Variants in TMEM132B observed in about 807,000 individuals in gnomAD.
TMEM132B encodes transmembrane protein 132B.
Under a neutral mutation model 90.8 loss-of-function variants are expected in TMEM132B, and 18 were observed. The observed-to-expected ratio is 0.20, with a 90% CI of 0.14 to 0.29. The LOEUF is 0.29. Ranked by LOEUF, TMEM132B falls within the 10% of genes least tolerant of loss-of-function variation. The pLI is 1.00. For synonymous variants in TMEM132B, 504 were observed against 523.3 expected, an observed-to-expected ratio of 0.96 and a Z score of 0.50; for missense variants, 1,096 against 1,326.8, an observed-to-expected ratio of 0.83 and a Z score of 2.70.
intron 1 of TMEM132B, among the ~76,000 whole-genome samples, chr12:125,318,771 G>A (rs1018424154): frequency 2.0e-5 from 3 of 152,120 alleles, no homozygotes; most frequent in Non-Finnish European, 4.4e-5. Flanking sequence ...CCATTGATGG[G>A]CATTTGGGTT....
intron 1 of TMEM132B, among the ~76,000 whole-genome samples, chr12:125,230,317 C>T (rs114793157): frequency 5.3e-5 from 8 of 152,064 alleles, no homozygotes; most frequent in African/African-American, 1.9e-4. Context: ...TTGGCTTCTC[C>T]TCTGTGTGAA....
chr12:125,638,945 C>T (rs566498207), intron 5 of TMEM132B, among the ~76,000 whole-genome samples: 198 of 152,320 alleles, frequency 1.3e-3, no homozygotes, highest in African/African-American at 4.6e-3. Flanking sequence ...TTACAAGCCA[C>T]CTCACACATG....
chr12:125,212,419 G>A (rs575130170), intron 1 of TMEM132B, among the ~76,000 whole-genome samples: 2 of 152,152 alleles, frequency 1.3e-5, no homozygotes, highest in Non-Finnish European at 2.9e-5. Context: ...TTGGCCGGGC[G>A]TGGTGGCTCA....
intron 2 of TMEM132B, among the ~76,000 whole-genome samples, chr12:125,364,096 G>A (rs979029154): frequency 6.6e-6 from 1 of 152,148 alleles, no homozygotes; most frequent in Non-Finnish European, 1.5e-5. Context: ...ACACATTCCT[G>A]TTTGGTCATG....
In TMEM132B at chr12:125,334,812, G is replaced by A. The variant is rs567733602; in HGVS notation, c.68-14640G>A. ...CTCTGCTTCTGTGCCATGCACGACC[G>A]TCTCATTAGACTTCACTTACAAAGC... On this transcript the variant is annotated intron_variant, in intron 1 of 8. Coordinates refer to ENST00000682704, the MANE Select transcript of TMEM132B (RefSeq NM_001366854.1). Among the ~76,000 whole-genome samples, 13 of 152,328 alleles carry A rather than the reference G, an allele frequency of 8.5e-5. No individual in the cohort carries two copies. In the South Asian group the frequency reaches 1.9e-3, roughly 22 times the overall value.
chr12:125,425,648 C>T (rs941242771), intron 3 of TMEM132B, among the ~76,000 whole-genome samples: 7 of 152,220 alleles, frequency 4.6e-5, no homozygotes, highest in African/African-American at 1.7e-4. Flanking sequence ...GATCTTTTTA[C>T]TGTCCCCATA....
intron 4 of TMEM132B, among the ~76,000 whole-genome samples, chr12:125,548,779 C>G (rs1470189254): frequency 6.6e-6 from 1 of 152,168 alleles, no homozygotes; most frequent in Non-Finnish European, 1.5e-5. Flanking sequence ...ATCTGGAAGT[C>G]TGGCTGCTGT....
At chr12:125,197,194 C>T (rs1872944318) in intron 1 of TMEM132B, among the ~76,000 whole-genome samples, 1 of 152,124 alleles carries the variant, frequency 6.6e-6, no homozygotes, top group Admixed American at 6.5e-5. Context: ...GTGTTGTTCC[C>T]CTCTGTGTGT....
At chr12:125,310,114 A>G (rs993379972) in intron 1 of TMEM132B, among the ~76,000 whole-genome samples, 7 of 152,192 alleles carry the variant, frequency 4.6e-5, no homozygotes, top group African/African-American at 1.7e-4. Flanking sequence ...CACAAGGCCC[A>G]TGGAGTCCCT....
chr12:125,549,865 C>G (rs1430100553), intron 4 of TMEM132B, among the ~76,000 whole-genome samples: 2 of 152,176 alleles, frequency 1.3e-5, no homozygotes, highest in Non-Finnish European at 2.9e-5. Context: ...TGATAGGACT[C>G]TGCACACAGA....
At chr12:125,611,973 G>A (rs1885839464) in intron 5 of TMEM132B, among the ~76,000 whole-genome samples, 1 of 151,972 alleles carries the variant, frequency 6.6e-6, no homozygotes, top group Non-Finnish European at 1.5e-5. Context: ...CTTCTTTCTA[G>A]TTGTCCTACT....
At chr12:125,539,848 C>G (rs1022222327) in intron 4 of TMEM132B, among the ~76,000 whole-genome samples, 1 of 152,050 alleles carries the variant, frequency 6.6e-6, no homozygotes, top group Non-Finnish European at 1.5e-5. Context: ...ATTTCATTGG[C>G]TTTTGCTGTC....
intron 1 of TMEM132B, among the ~76,000 whole-genome samples, chr12:125,256,155 C>T (rs78970993): frequency 0.012 from 1,884 of 152,286 alleles, 43 homozygotes; most frequent in African/African-American, 0.043. Flanking sequence ...TGGAAAGAGA[C>T]AGAGGCCAGC....
At chr12:125,552,461 G>A (rs188940424) in intron 4 of TMEM132B, among the ~76,000 whole-genome samples, 72 of 152,254 alleles carry the variant, frequency 4.7e-4, no homozygotes, top group South Asian at 1.5e-3. Context: ...TGTAATGGGG[G>A]CACCATGATT....
intron 1 of TMEM132B, among the ~76,000 whole-genome samples, chr12:125,343,944 A>G (rs1877275880): frequency 6.6e-6 from 1 of 152,244 alleles, no homozygotes; most frequent in African/African-American, 2.4e-5. Flanking sequence ...AGAAACTCAG[A>G]AGGAACACAG....
chr12:125,306,917 G>A (rs2088707), intron 1 of TMEM132B, among the ~76,000 whole-genome samples: 12,845 of 152,248 alleles, frequency 0.084, 609 homozygotes, highest in Non-Finnish European at 0.1. Flanking sequence ...ACTTGCTCCA[G>A]TCTGGCCACA....
chr12:125,222,863 G>T (rs1285472965), intron 1 of TMEM132B, among the ~76,000 whole-genome samples: 1 of 152,202 alleles, frequency 6.6e-6, no homozygotes, highest in Non-Finnish European at 1.5e-5. Context: ...CCCCATTGGA[G>T]AACTCAATGG....
intron 4 of TMEM132B, among the ~76,000 whole-genome samples, chr12:125,563,607 A>AAAC (rs374367688): frequency 0.55 from 81,621 of 148,670 alleles, 24,171 homozygotes; most frequent in Middle Eastern, 0.74. Flanking sequence ...ACAAAAAAAA[A>AAAC]CCCCACAGTA....
At chr12:125,585,807 G>A (rs1198863481) in intron 5 of TMEM132B, 2 of 152,194 alleles carry the variant, frequency 1.3e-5, no homozygotes, top group Non-Finnish European at 2.9e-5. Context: ...AGCCTCAGGA[G>A]GATGGGGATT....
Sources: allele counts gnomAD v4.1 joint callset (sites outside exome capture counted in the v4.1 genomes callset), GRCh38; gene constraint gnomAD v4.1.1; transcripts MANE v1.5; gene names NCBI Gene and HGNC (gene_info 2026-07-23, HGNC 2026-07-21).